HDAC4: variants seen among roughly 807,000 people sequenced by gnomAD.
HDAC4 encodes histone deacetylase 4.
In HDAC4, 16 loss-of-function variants were observed where a neutral mutation model predicts 135.1. That is an observed-to-expected ratio of 0.12 (90% CI 0.08 to 0.18). The LOEUF is 0.18. Ranked by LOEUF, HDAC4 falls within the 10% of genes least tolerant of loss-of-function variation. The pLI, the probability that HDAC4 is intolerant of heterozygous loss-of-function variation, is 1.00. For synonymous variants in HDAC4, 685 were observed against 653.4 expected, an observed-to-expected ratio of 1.05 and a Z score of -0.74; for missense variants, 1,143 against 1,511.8, an observed-to-expected ratio of 0.76 and a Z score of 4.05.
At chr2:239,247,399 C>T (rs377281543) in intron 2 of HDAC4, among the ~76,000 whole-genome samples, 4 of 152,270 alleles carry the variant, frequency 2.6e-5, no homozygotes, top group East Asian at 3.9e-4. Flanking sequence ...CGAGTGGAGA[C>T]GAGGCTGACA....
rs1306779988 is a variant in HDAC4, at chr2:239,331,968, G to A, written c.22+20710C>T. ...AGTCCTCACAGAATCCGCAGCTTGAGCGTAAGAAGGGATACAAGAGGGAAA... is the reference window on the plus strand; with the variant it reads ...AGTCCTCACAGAATCCGCAGCTTGAACGTAAGAAGGGATACAAGAGGGAAA... On this transcript the variant is annotated intron_variant, in intron 2 of 26. Coordinates refer to ENST00000543185, the MANE Select transcript of HDAC4 (RefSeq NM_001378414.1). This position sits in a 1 kb window ranked among gnomAD's most constrained non-coding sequence, Gnocchi z 4.5. Among the ~76,000 whole-genome samples, 1 of 152,162 alleles carries A rather than the reference G, an allele frequency of 6.6e-6. No homozygotes were observed. Among genetic ancestry groups the A allele is most frequent in the Non-Finnish European group, 1.5e-5 (1 of 68,028 alleles).
At chr2:239,124,136 A>G (rs1346676485) in intron 12 of HDAC4, among the ~76,000 whole-genome samples, 1 of 152,198 alleles carries the variant, frequency 6.6e-6, no homozygotes, top group Non-Finnish European at 1.5e-5. Flanking sequence ...TCTTCCTTGT[A>G]ACAGCTTTAC....
intron 2 of HDAC4, among the ~76,000 whole-genome samples, chr2:239,283,959 C>T (rs2050980163): frequency 6.6e-6 from 1 of 152,246 alleles, no homozygotes; most frequent in Non-Finnish European, 1.5e-5. Context: ...AGTGCTGCCT[C>T]GGGATCTACA....
intron 1 of HDAC4, among the ~76,000 whole-genome samples, chr2:239,375,442 C>A (rs766216732): frequency 6.6e-6 from 1 of 152,192 alleles, no homozygotes; most frequent in African/African-American, 2.4e-5. Context: ...CCAACCCCAC[C>A]GTGAGGATGT....
rs749091663 is a variant in HDAC4, at chr2:239,308,344, G to A, written c.22+44334C>T. ...ACGGGACAAGAGGATAACCTGCTTG[G>A]TACTCAGCAACAGGCTTTCCTAATA... On this transcript the variant is annotated intron_variant, in intron 2 of 26. Coordinates refer to ENST00000543185, the MANE Select transcript of HDAC4 (RefSeq NM_001378414.1). The surrounding 1 kb of genome is among the most constrained non-coding windows in gnomAD (Gnocchi z 4.2). Among the ~76,000 whole-genome samples, 4 of 152,116 alleles carry A rather than the reference G, an allele frequency of 2.6e-5. No homozygotes were observed. The highest frequency in any genetic ancestry group is 4.4e-5 in the Non-Finnish European group (3 of 68,000).
At chr2:239,226,536 C>A (rs2047250074) in intron 3 of HDAC4, among the ~76,000 whole-genome samples, 1 of 152,148 alleles carries the variant, frequency 6.6e-6, no homozygotes, top group Non-Finnish European at 1.5e-5. Context: ...AGACAGCACC[C>A]CCAATTCTCC....
At chr2:239,220,943 G>T (rs570310977) in intron 3 of HDAC4, among the ~76,000 whole-genome samples, 1 of 152,212 alleles carries the variant, frequency 6.6e-6, no homozygotes, top group South Asian at 2.1e-4. Context: ...AAAAGCCAGG[G>T]ACCGACCTTG....
intron 13 of HDAC4, among the ~76,000 whole-genome samples, chr2:239,112,374 C>T (rs2038756059): frequency 6.6e-6 from 1 of 152,222 alleles, no homozygotes; most frequent in Non-Finnish European, 1.5e-5. Flanking sequence ...TTGAAAGTGC[C>T]AACTGGGCTT....
intron 12 of HDAC4, among the ~76,000 whole-genome samples, chr2:239,125,419 G>A (rs1020354948): frequency 3.3e-5 from 5 of 152,112 alleles, no homozygotes; most frequent in East Asian, 1.9e-4. Flanking sequence ...CCAACACCAC[G>A]CTTCCTCTAC....
chr2:239,068,641 G>A lies in HDAC4; in HGVS notation c.2751-34C>T. 6.5e-7 allele frequency: 1 copy of A among 1,550,078 alleles called. No homozygotes were observed. Among genetic ancestry groups the A allele is most frequent in the Non-Finnish European group, 8.9e-7 (1 of 1,122,024 alleles). On this transcript the variant is annotated intron_variant, in intron 22 of 26. Coordinates refer to ENST00000543185, the MANE Select transcript of HDAC4 (RefSeq NM_001378414.1). The surrounding 1 kb of genome is among the most constrained non-coding windows in gnomAD (Gnocchi z 4.4). The stretch of plus-strand genomic sequence containing the variant: ...GACAGGAGAAGGCGTTACTGGGTCA[G>A]CTGAAAGAGGGACGGGACGGTCACA...
chr2:239,298,605 G>A (rs2052054058), intron 2 of HDAC4: 2 of 1,001,032 alleles, frequency 2.0e-6, no homozygotes, highest in Non-Finnish European at 2.4e-6. Flanking sequence ...AGCACACACA[G>A]GATCAGCAGT....
chr2:239,392,399 A>G (rs543360437), intron 1 of HDAC4, among the ~76,000 whole-genome samples: 487 of 152,324 alleles, frequency 3.2e-3, no homozygotes, highest in Non-Finnish European at 5.7e-3. Context: ...GACTGTGACC[A>G]CCTATGAGGA....
chr2:239,162,738 C>A (rs886960809), intron 6 of HDAC4, among the ~76,000 whole-genome samples: 2 of 152,176 alleles, frequency 1.3e-5, no homozygotes, highest in African/African-American at 4.8e-5. Context: ...CACTGGCAAG[C>A]ACAGCGGCTG....
intron 14 of HDAC4, among the ~76,000 whole-genome samples, chr2:239,110,740 A>G (rs1166667458): frequency 6.6e-6 from 1 of 152,212 alleles, no homozygotes; most frequent in Non-Finnish European, 1.5e-5. Context: ...TCATAACAAC[A>G]TGAAGAGCGC....
intron 7 of HDAC4, among the ~76,000 whole-genome samples, chr2:239,153,480 G>A (rs2042236718): frequency 6.6e-6 from 1 of 150,696 alleles, no homozygotes; most frequent in Non-Finnish European, 1.5e-5. Context: ...AACTTACTTA[G>A]AATGAGCGAT....
At chr2:239,315,914 C>A (rs2053095618) in intron 2 of HDAC4, among the ~76,000 whole-genome samples, 1 of 152,124 alleles carries the variant, frequency 6.6e-6, no homozygotes, top group South Asian at 2.1e-4. Context: ...AAACCTTTTA[C>A]AGGGTGAAAG....
chr2:239,337,323 G>A (rs539507257), intron 2 of HDAC4, among the ~76,000 whole-genome samples: 4 of 152,198 alleles, frequency 2.6e-5, no homozygotes, highest in Non-Finnish European at 5.9e-5. Context: ...GGCAGAAAAC[G>A]TCCACTTTGA....
At chr2:239,164,009 G>C (rs2042979683) in intron 5 of HDAC4, 86 bp from the exon 6 acceptor site, 4 of 1,534,812 alleles carry the variant, frequency 2.6e-6, no homozygotes, top group African/African-American at 2.7e-5. Context: ...CAGAGGGAGG[G>C]AAGGGCTGGG....
intron 3 of HDAC4, among the ~76,000 whole-genome samples, chr2:239,218,406 G>T (rs1041471593): frequency 1.9e-4 from 29 of 151,180 alleles, no homozygotes; most frequent in South Asian, 1.1e-3. Context: ...GGGAAAACTG[G>T]CTAGCCATAT....
Sources: allele counts gnomAD v4.1 joint callset (sites outside exome capture counted in the v4.1 genomes callset), GRCh38; gene constraint gnomAD v4.1.1; non-coding constraint Gnocchi (gnomAD v3.1); transcripts MANE v1.5; gene names NCBI Gene and HGNC (gene_info 2026-07-23, HGNC 2026-07-21).